ZNF710: variants seen among roughly 807,000 people sequenced by gnomAD.
ZNF710 encodes zinc finger protein 710.
A neutral mutation model predicts 50.6 loss-of-function variants in ZNF710; 13 were observed. The ratio of observed to expected loss-of-function variants is 0.26; its 90% CI spans 0.17 to 0.41. ZNF710 has a LOEUF of 0.41. ZNF710 is among the 10% of genes least tolerant of loss of function. The pLI is 1.00. For synonymous variants in ZNF710, 383 were observed against 397.0 expected (o/e 0.96, Z 0.42); for missense variants, 721 against 936.6 (o/e 0.77, Z 3.01).
intron 1 of ZNF710, among the ~76,000 whole-genome samples, chr15:90,022,291 G>A (rs150882908): frequency 0.015 from 2,253 of 152,092 alleles, 57 homozygotes; most frequent in African/African-American, 0.051. Flanking sequence ...CAGGAGAATC[G>A]CTTGAACCTG....
intron 1 of ZNF710, among the ~76,000 whole-genome samples, chr15:90,019,334 A>G (rs1321511250): frequency 1.3e-5 from 2 of 151,846 alleles, no homozygotes; most frequent in Non-Finnish European, 2.9e-5. Context: ...AATCTCCTAC[A>G]TTTAGCTTGT....
rs139926126 is a variant in ZNF710, at chr15:90,018,075, C to A, written c.-29+16461C>A. On this transcript the variant is annotated intron_variant, in intron 1 of 4. Transcript: ENST00000268154. Reference sequence around the variant, plus strand: ...TGTTCTGTCTCCCCCAGAAAAACTTCTGTGTAACATCAGCTGTGTTCTTTT... The same window carrying A: ...TGTTCTGTCTCCCCCAGAAAAACTTATGTGTAACATCAGCTGTGTTCTTTT... Among the ~76,000 whole-genome samples the A allele has an allele frequency of 2.5e-3, 374 of 152,072 alleles. 2 individuals carry two copies. The highest frequency in any genetic ancestry group is 8.3e-3 in the African/African-American group (344 of 41,482).
chr15:90,048,792 C>A (rs571758868), intron 1 of ZNF710, among the ~76,000 whole-genome samples: 2 of 152,304 alleles, frequency 1.3e-5, no homozygotes, highest in East Asian at 3.9e-4. Context: ...ACAGAAGATG[C>A]CTTCCCGCCT....
intron 1 of ZNF710, among the ~76,000 whole-genome samples, chr15:90,064,908 A>G (rs1325166509): frequency 6.6e-6 from 1 of 151,970 alleles, no homozygotes; most frequent in East Asian, 1.9e-4. Context: ...CGTTTTTCAG[A>G]TAGGGAAACT....
At chr15:90,027,398 C>T (rs868483815) in intron 1 of ZNF710, among the ~76,000 whole-genome samples, 8 of 151,924 alleles carry the variant, frequency 5.3e-5, no homozygotes, top group East Asian at 1.9e-4. Flanking sequence ...TTAGTAGAGA[C>T]GGGGTTTCAC....
rs1026866935 is a variant in ZNF710 at position 90,062,848 on chromosome 15, A to G, written c.-28-4262A>G. Among the ~76,000 whole-genome samples the G allele has an allele frequency of 1.3e-5, 2 of 152,104 alleles. No homozygotes were observed. The highest frequency in any genetic ancestry group is 2.9e-5 in the Non-Finnish European group (2 of 67,992). ...TGCATACACACACGCGCGCACGCGC[A>G]CACACACACAGCCTGCCTGGCCGCC... On this transcript the variant is annotated intron_variant, in intron 1 of 4. Coordinates refer to ENST00000268154, the MANE Select transcript of ZNF710 (RefSeq NM_198526.4). The surrounding 1 kb of genome is among the most constrained non-coding windows in gnomAD (Gnocchi z 5.6).
chr15:90,070,928 A>G (rs1417563209), intron 2 of ZNF710, among the ~76,000 whole-genome samples: 1 of 152,234 alleles, frequency 6.6e-6, no homozygotes, highest in Non-Finnish European at 1.5e-5. Context: ...CATATATGCT[A>G]TATATTTGCC....
Position 90,059,931 on chromosome 15 carries a change from T to G in ZNF710, c.-28-7179T>G, listed in dbSNP as rs928160748. Reference sequence around the variant, plus strand: ...GGTTACCTGTCCCGCCCACTCCAGCTTCAGCCTCTCCAGCCCCAGGGCCCT... The same window carrying G: ...GGTTACCTGTCCCGCCCACTCCAGCGTCAGCCTCTCCAGCCCCAGGGCCCT... On this transcript the variant is annotated intron_variant, in intron 1 of 4. Transcript: ENST00000268154. The surrounding 1 kb of genome is among the most constrained non-coding windows in gnomAD (Gnocchi z 4.1). Among the ~76,000 whole-genome samples, 1 of 152,190 alleles carries G rather than the reference T, an allele frequency of 6.6e-6. No homozygotes were observed. Among genetic ancestry groups the G allele is most frequent in the Admixed American group, 6.5e-5 (1 of 15,278 alleles).
chr15:90,072,544 A>G (rs1900424771), intron 2 of ZNF710, among the ~76,000 whole-genome samples: 1 of 152,168 alleles, frequency 6.6e-6, no homozygotes, highest in Non-Finnish European at 1.5e-5. Context: ...CAATCATATT[A>G]TCAAAAGGGT....
rs1276587956 is a variant in ZNF710 at position 90,069,746 on chromosome 15, G to A, written c.1458+1151G>A. Among the ~76,000 whole-genome samples, 6 of 152,268 alleles carry A rather than the reference G, an allele frequency of 3.9e-5. No individual in the cohort carries two copies. The East Asian group carries it at 9.6e-4, about 24-fold the overall frequency. Reference sequence around the variant, plus strand: ...GGCTAAACTAGGCACAGTGGCTCGGGAAGGCAGAAATTGAGCAGCACTTTC... The same window carrying A: ...GGCTAAACTAGGCACAGTGGCTCGGAAAGGCAGAAATTGAGCAGCACTTTC... On this transcript the variant is annotated intron_variant, in intron 2 of 4. Coordinates refer to ENST00000268154, the MANE Select transcript of ZNF710 (RefSeq NM_198526.4).
intron 1 of ZNF710, among the ~76,000 whole-genome samples, chr15:90,019,910 C>G (rs1242413245): frequency 6.6e-6 from 1 of 152,190 alleles, no homozygotes; most frequent in Non-Finnish European, 1.5e-5. Flanking sequence ...TGCTCCTAAA[C>G]AAACATCCTG....
intron 2 of ZNF710, among the ~76,000 whole-genome samples, chr15:90,071,058 C>T (rs1352473852): frequency 1.3e-5 from 2 of 152,136 alleles, no homozygotes; most frequent in East Asian, 1.9e-4. Flanking sequence ...GTCAGGAGTT[C>T]GAGGCCAACC....
chr15:90,045,453 A>G lies in ZNF710; in HGVS notation c.-28-21657A>G, dbSNP rs184685928. On this transcript the variant is annotated intron_variant, in intron 1 of 4. Transcript: ENST00000268154. ...AGGGTGCAGCTCTAGTGAGGTCAAC[A>G]CTGAGGTGAGCGCAGAAGCCATGAG... 4.0e-4 allele frequency: 380 copies of G among 953,956 alleles called. 1 individual carries two copies. In the African/African-American group the frequency reaches 6.1e-3, roughly 15 times the overall value. 59.1% of individuals were successfully genotyped at this position (953,956 alleles called of 1,614,324 possible).
chr15:90,037,857 G>A (rs556908115), intron 1 of ZNF710, among the ~76,000 whole-genome samples: 40 of 152,206 alleles, frequency 2.6e-4, no homozygotes, highest in Admixed American at 1.4e-3. Flanking sequence ...ATTCTAATAC[G>A]GTCGCTAGGC....
In ZNF710 at chr15:90,038,740, T is replaced by TGTGTGA. The variant is rs150950322; in HGVS notation, c.-28-28369_-28-28368insTGTGAG. Among the ~76,000 whole-genome samples, 605 of 148,632 alleles carry TGTGTGA rather than the reference T, an allele frequency of 4.1e-3. 7 individuals carry two copies. The highest frequency in any genetic ancestry group is 0.014 in the African/African-American group (558 of 38,772). ...GTGTGTGTGTGTGTGTGTGTGTGTG[T>TGTGTGA]GAGACATTGGCTTTGAAGAGTCCAG... On this transcript the variant is annotated intron_variant, in intron 1 of 4. Transcript: ENST00000268154.
chr15:90,033,217 G>A (rs1322154744), intron 1 of ZNF710, among the ~76,000 whole-genome samples: 2 of 152,198 alleles, frequency 1.3e-5, no homozygotes, highest in African/African-American at 2.4e-5. Flanking sequence ...GGGCCAGGGT[G>A]AGCACTGTTG....
chr15:90,047,076 C>T (rs1434900312), intron 1 of ZNF710, among the ~76,000 whole-genome samples: 1 of 152,222 alleles, frequency 6.6e-6, no homozygotes, highest in Non-Finnish European at 1.5e-5. Flanking sequence ...TGCCCACGCA[C>T]AGCCACGCTG....
chr15:90,032,953 C>T (rs1898993132), intron 1 of ZNF710, among the ~76,000 whole-genome samples: 1 of 152,018 alleles, frequency 6.6e-6, no homozygotes. Context: ...GGCTCTGTGG[C>T]TAGAATTTTC....
chr15:90,010,966 T>C (rs575606741), intron 1 of ZNF710, among the ~76,000 whole-genome samples: 68 of 145,860 alleles, frequency 4.7e-4, no homozygotes, highest in African/African-American at 1.6e-3. Flanking sequence ...AGTCTCACTC[T>C]GTTGCTCAGG....
Sources: allele counts gnomAD v4.1 joint callset (sites outside exome capture counted in the v4.1 genomes callset), GRCh38; gene constraint gnomAD v4.1.1; non-coding constraint Gnocchi (gnomAD v3.1); transcripts MANE v1.5; gene names NCBI Gene and HGNC (gene_info 2026-07-23, HGNC 2026-07-21).